The following PPM1H variants were observed in gnomAD, a reference collection of about 807,000 sequenced individuals.
PPM1H encodes protein phosphatase 1H.
Under a neutral mutation model 54.9 loss-of-function variants are expected in PPM1H, and 27 were observed. The observed-to-expected ratio is 0.49, with a 90% CI of 0.36 to 0.68. The LOEUF (loss-of-function observed/expected upper bound fraction) is 0.68, where lower values mean the gene tolerates loss of function less well. Ranked by LOEUF, PPM1H falls within the 30% of genes least tolerant of loss-of-function variation. PPM1H has a pLI of 0.00. For synonymous variants in PPM1H, 305 were observed against 270.8 expected, an observed-to-expected ratio of 1.13 and a Z score of -1.24; for missense variants, 596 against 667.8, an observed-to-expected ratio of 0.89 and a Z score of 1.19.
At chr12:62,783,406 A>C (rs2076653304) in intron 4 of PPM1H, among the ~76,000 whole-genome samples, 1 of 152,238 alleles carries the variant, frequency 6.6e-6, no homozygotes, top group Non-Finnish European at 1.5e-5. Context: ...TGTTAATTAG[A>C]ACTTCTTTAT....
chr12:62,725,071 C>G (rs1206863777), intron 5 of PPM1H, among the ~76,000 whole-genome samples: 1 of 152,220 alleles, frequency 6.6e-6, no homozygotes, highest in Admixed American at 6.5e-5. Flanking sequence ...CTTAAGCCAG[C>G]TTTGCAATCC....
Position 62,813,570 on chromosome 12 carries a change from T to G in PPM1H, c.412-11410A>C, listed in dbSNP as rs2076848595. On this transcript the variant is annotated intron_variant, in intron 2 of 9. Coordinates refer to ENST00000228705, the MANE Select transcript of PPM1H (RefSeq NM_020700.2). ...TTTTAAATTAAAATTATTCCTCACA[T>G]AGTAGACAACAGGTTAAAAAAATTT... 2.0e-5 allele frequency among the ~76,000 whole-genome samples: 3 copies of G among 152,298 alleles called. No homozygotes were observed. The South Asian group carries it at 6.2e-4, about 32-fold the overall frequency.
At chr12:62,773,859 A>G (rs1324756588) in intron 4 of PPM1H, among the ~76,000 whole-genome samples, 1 of 152,194 alleles carries the variant, frequency 6.6e-6, no homozygotes, top group Non-Finnish European at 1.5e-5. Context: ...CTCAGGGGGA[A>G]CCAAGTCCCA....
chr12:62,692,916 C>T (rs1005425870), intron 7 of PPM1H, among the ~76,000 whole-genome samples: 2 of 139,950 alleles, frequency 1.4e-5, no homozygotes, highest in Non-Finnish European at 1.5e-5. Context: ...CATGTTTGTT[C>T]TCTTGCTTTT....
intron 6 of PPM1H, among the ~76,000 whole-genome samples, chr12:62,700,203 C>T (rs1043404218): frequency 2.6e-4 from 39 of 152,150 alleles, no homozygotes; most frequent in African/African-American, 8.2e-4. Context: ...TTGGATTCCT[C>T]GCTTTAAAAC....
chr12:62,916,053 G>A (rs1592669471), intron 1 of PPM1H, among the ~76,000 whole-genome samples: 3 of 152,266 alleles, frequency 2.0e-5, no homozygotes, highest in African/African-American at 7.2e-5. Context: ...CCCAGCACAT[G>A]TGATCAATGC....
rs149047340 is a variant in PPM1H, at chr12:62,750,537, T to C, written c.870-12951A>G. 5.4e-3 allele frequency among the ~76,000 whole-genome samples: 828 copies of C among 152,352 alleles called. 7 individuals carry two copies. Among genetic ancestry groups the C allele is most frequent in the African/African-American group, 0.019 (788 of 41,570 alleles). On this transcript the variant is annotated intron_variant, in intron 4 of 9. Coordinates refer to ENST00000228705, the MANE Select transcript of PPM1H (RefSeq NM_020700.2). ...TCATTAGTTGGCAGACATTTGTGTT[T>C]CCATTTTTTTTGAAACAGTGAATAA...
chr12:62,820,630 T>C (rs1216048953), intron 2 of PPM1H, among the ~76,000 whole-genome samples: 1 of 152,186 alleles, frequency 6.6e-6, no homozygotes, highest in Non-Finnish European at 1.5e-5. Flanking sequence ...GCAAATAGGG[T>C]CTGGAGTGGA....
At chr12:62,651,236 C>T (rs774017663) in intron 9 of PPM1H, among the ~76,000 whole-genome samples, 4 of 152,146 alleles carry the variant, frequency 2.6e-5, no homozygotes, top group East Asian at 1.9e-4. Flanking sequence ...AAATGTGCCT[C>T]CCTTAAACCT....
At chr12:62,680,099 G>C (rs983903968) in intron 8 of PPM1H, among the ~76,000 whole-genome samples, 4 of 152,180 alleles carry the variant, frequency 2.6e-5, no homozygotes, top group African/African-American at 9.6e-5. Flanking sequence ...ACTGGCCTTA[G>C]AGATTTCCTT....
At position 62,934,577 on chromosome 12, in the gene PPM1H, C is replaced by T; in HGVS notation, c.160G>A (p.Val54Met). ...GCGATGTGGTCGGCGCTGCACTCCACCTCGTCCTGAGACAGCCCCAGGAAC... is the reference window on the plus strand; with the variant it reads ...GCGATGTGGTCGGCGCTGCACTCCATCTCGTCCTGAGACAGCCCCAGGAAC... ...PEFLGLSQDE[V>M]ECSADHIARP... is the part of the protein sequence containing the mutation. The change falls in exon 1 of 10, where the codon GTG becomes ATG. Residue 54 changes from valine (V) to methionine (M), a missense_variant. By Grantham distance (21) the Val-to-Met change is conservative. Around this residue, in one of 3 missense-constraint regions of PPM1H, gnomAD observed 382 missense variants for 387.1 expected, o/e 0.99. Transcript: ENST00000228705. The surrounding 1 kb of genome is among the most constrained non-coding windows in gnomAD (Gnocchi z 4.2). The T allele has an allele frequency of 6.4e-7, 1 of 1,560,700 alleles. No homozygotes were observed. The highest frequency in any genetic ancestry group is 8.7e-7 in the Non-Finnish European group (1 of 1,153,670).
intron 1 of PPM1H, among the ~76,000 whole-genome samples, chr12:62,927,783 A>AT (rs1192465596): frequency 2.0e-5 from 3 of 151,810 alleles, no homozygotes; most frequent in African/African-American, 2.4e-5. Context: ...ATCAGCTTTT[A>AT]TTTTTTTTAA....
At chr12:62,822,725 C>T (rs1697823004) in intron 2 of PPM1H, among the ~76,000 whole-genome samples, 1 of 152,146 alleles carries the variant, frequency 6.6e-6, no homozygotes, top group South Asian at 2.1e-4. Context: ...ACCAGAATCT[C>T]TGGGACACAC....
At chr12:62,928,476 A>G (rs573804161) in intron 1 of PPM1H, among the ~76,000 whole-genome samples, 27 of 152,334 alleles carry the variant, frequency 1.8e-4, no homozygotes, top group African/African-American at 6.5e-4. Flanking sequence ...GGGTCACAGA[A>G]GTAATGCAGA....
At chr12:62,777,839 T>G (rs970925567) in intron 4 of PPM1H, among the ~76,000 whole-genome samples, 17 of 152,244 alleles carry the variant, frequency 1.1e-4, no homozygotes, top group African/African-American at 3.9e-4. Flanking sequence ...GTAATCTTTC[T>G]CCTTTAGCAA....
intron 2 of PPM1H, among the ~76,000 whole-genome samples, chr12:62,818,780 C>T (rs1395535894): frequency 6.6e-6 from 1 of 152,040 alleles, no homozygotes; most frequent in African/African-American, 2.4e-5. Flanking sequence ...ATACTACATA[C>T]CTGCTTCATC....
At chr12:62,750,139 T>G (rs1324707935) in intron 4 of PPM1H, among the ~76,000 whole-genome samples, 2 of 152,200 alleles carry the variant, frequency 1.3e-5, no homozygotes, top group Non-Finnish European at 2.9e-5. Flanking sequence ...CCATAAAATA[T>G]ACCCTCTTAA....
intron 1 of PPM1H, among the ~76,000 whole-genome samples, chr12:62,918,736 C>A (rs1356236635): frequency 6.6e-6 from 1 of 152,092 alleles, no homozygotes; most frequent in African/African-American, 2.4e-5. Flanking sequence ...GTGTTACAAC[C>A]ATAAATAGAA....
At position 62,644,311 on chromosome 12, in the gene PPM1H, A is replaced by T. The variant is rs1387208790; in HGVS notation, c.*4178T>A. On this transcript the variant is annotated 3_prime_UTR_variant, in exon 10 of 10. Transcript: ENST00000228705. The stretch of plus-strand genomic sequence containing the variant: ...GCCTCCCTGGGTCTCCAGAAAAAAA[A>T]CAAAGAAAACTGGGGGCAAAACAGG... The T allele has an allele frequency of 6.6e-6, 1 of 152,244 alleles. No individual in the cohort carries two copies. Among genetic ancestry groups the T allele is most frequent in the South Asian group, 2.1e-4 (1 of 4,832 alleles). The allele number at this position is 152,244 out of a possible 1,614,324, so 9.4% of individuals were successfully genotyped here.
Sources: gnomAD v4.1 joint callset for allele counts (sites outside exome capture counted in the v4.1 genomes callset) on GRCh38, gnomAD v4.1.1 for gene constraint, gnomAD v4.1.1 regional missense constraint, Gnocchi (gnomAD v3.1) non-coding constraint, MANE v1.5 for transcripts, NCBI Gene and HGNC (gene_info 2026-07-23, HGNC 2026-07-21) for gene names.